Variants in SNX30 observed in about 807,000 individuals in gnomAD.
The protein encoded by SNX30 is sorting nexin family member 30, also known as sorting nexin-30.
Under a neutral mutation model 46.4 loss-of-function variants are expected in SNX30, and 24 were observed. The ratio of observed to expected loss-of-function variants is 0.52; its 90% CI spans 0.37 to 0.73. The LOEUF (loss-of-function observed/expected upper bound fraction) is 0.73, where lower values mean the gene tolerates loss of function less well. Ranked by LOEUF, SNX30 falls within the 30% of genes least tolerant of loss-of-function variation. The probability of loss-of-function intolerance (pLI) is 0.00; values close to 1 mark genes in which losing one functional copy is unlikely to be tolerated. For missense variants in SNX30, 533 were observed against 555.7 expected (o/e 0.96, Z 0.41); for synonymous variants, 189 against 211.5 (o/e 0.89, Z 0.92).
At chr9:112,751,250 C>T in intron 1 of SNX30, 93 bp downstream of exon 1, 5 of 1,267,980 alleles carry the variant, frequency 3.9e-6, no homozygotes, top group Non-Finnish European at 5.0e-6. Flanking sequence ...GGGGCCGCGC[C>T]CACCCTGCCG....
chr9:112,859,054 G>C (rs953775369), intron 7 of SNX30, among the ~76,000 whole-genome samples: 3 of 152,038 alleles, frequency 2.0e-5, no homozygotes, highest in African/African-American at 7.2e-5. Flanking sequence ...TCATCTTGCA[G>C]AACTGAAACT....
At chr9:112,814,826 A>C (rs1840373028) in intron 2 of SNX30, among the ~76,000 whole-genome samples, 1 of 152,194 alleles carries the variant, frequency 6.6e-6, no homozygotes, top group Non-Finnish European at 1.5e-5. Flanking sequence ...ATTTTAAGGG[A>C]ATTACGAGGT....
At chr9:112,781,296 G>A (rs1007501618) in intron 1 of SNX30, among the ~76,000 whole-genome samples, 35 of 152,218 alleles carry the variant, frequency 2.3e-4, no homozygotes, top group African/African-American at 7.7e-4. Context: ...AGTGGAATCT[G>A]CCTTTTAAAT....
chr9:112,769,536 G>A (rs972914626), intron 1 of SNX30, among the ~76,000 whole-genome samples: 1 of 152,206 alleles, frequency 6.6e-6, no homozygotes, highest in Non-Finnish European at 1.5e-5. Flanking sequence ...GGCACAGACA[G>A]GAAGAGCTGA....
downstream of SNX30, chr9:112,877,351 C>T (rs10739378): frequency 0.89 from 135,724 of 152,298 alleles, 60,745 homozygotes; most frequent in East Asian, 0.99. Flanking sequence ...AGAGGCTTTT[C>T]AGGAGTAGGA....
At chr9:112,776,928 C>T (rs574202080) in intron 1 of SNX30, among the ~76,000 whole-genome samples, 2 of 152,268 alleles carry the variant, frequency 1.3e-5, no homozygotes, top group South Asian at 2.1e-4. Context: ...CTTCCAGTTG[C>T]GTTAGCAACT....
At position 112,853,922 on chromosome 9, in the gene SNX30, TAGA is replaced by T. The variant is rs369882793; in HGVS notation, c.1101+2980_1101+2982del. On this transcript the variant is annotated intron_variant, in intron 7 of 8. Coordinates refer to ENST00000374232, the MANE Select transcript of SNX30 (RefSeq NM_001012994.2). ...TGTCAGTTAAATATTTAAGGAAAAA[TAGA>T]AGTCACTTTTTCTGGCTAGGGAAGG... 1.3e-4 allele frequency among the ~76,000 whole-genome samples: 20 copies of T among 152,252 alleles called. No individual in the cohort carries two copies. In the East Asian group the frequency reaches 3.7e-3, roughly 28 times the overall value.
chr9:112,804,893 T>C lies in SNX30; in HGVS notation c.274T>C (p.Phe92Leu), dbSNP rs770867845. 3.1e-6 allele frequency: 5 copies of C among 1,613,946 alleles called. No individual in the cohort carries two copies. In the Admixed American group the frequency reaches 8.3e-5, roughly 27 times the overall value. The change falls in exon 2 of 9, where the codon TTC becomes CTC. Residue 92 changes from phenylalanine (F) to leucine (L), a missense_variant. Coordinates refer to ENST00000374232, the MANE Select transcript of SNX30 (RefSeq NM_001012994.2). ...DDIDGETRDL[F>L]VIVDDPKKHV... ...TATTGATGGTGAGACTAGAGATCTCTTCGTTATAGTTGATGATCCCAAGAA... is the reference window on the plus strand; with the variant it reads ...TATTGATGGTGAGACTAGAGATCTCCTCGTTATAGTTGATGATCCCAAGAA...
At chr9:112,771,643 A>T (rs896469345) in intron 1 of SNX30, among the ~76,000 whole-genome samples, 1 of 152,154 alleles carries the variant, frequency 6.6e-6, no homozygotes, top group Non-Finnish European at 1.5e-5. Flanking sequence ...CTCTCTTTCT[A>T]ATTTGGTTAA....
rs1269291219 is a variant in SNX30 at position 112,795,791 on chromosome 9, ACACACG to A, written c.157-8979_157-8974del. On this transcript the variant is annotated intron_variant, in intron 1 of 8. Transcript: ENST00000374232. ...CACACACACACACACACACACACAC[ACACACG>A]CACACATGATGAGCAAGGCACAGTT... is the stretch of plus-strand genomic sequence containing the variant. Among the ~76,000 whole-genome samples, 231 of 152,014 alleles carry A rather than the reference ACACACG, an allele frequency of 1.5e-3. 2 individuals are homozygous for A. The highest frequency in any genetic ancestry group is 5.2e-3 in the African/African-American group (217 of 41,426).
intron 1 of SNX30, 68 bp from the exon 2 acceptor site, chr9:112,804,708 C>T (rs1179009744): frequency 7.1e-6 from 10 of 1,403,068 alleles, no homozygotes; most frequent in Non-Finnish European, 9.6e-6. Context: ...TTGGCTAAAC[C>T]AGCTGCTTTT....
chr9:112,805,040 C>T, intron 2 of SNX30, 73 bp downstream of exon 2: 1 of 1,196,648 alleles, frequency 8.4e-7, no homozygotes, highest in Non-Finnish European at 1.2e-6. Flanking sequence ...GTGAATTTTG[C>T]CTTTGCTCTC....
At chr9:112,789,565 A>G (rs12238696) in intron 1 of SNX30, among the ~76,000 whole-genome samples, 9,783 of 152,288 alleles carry the variant, frequency 0.064, 705 homozygotes, top group African/African-American at 0.17. Context: ...GGTGTTTAGT[A>G]TATGCTTGAA....
At chr9:112,832,167 G>A (rs1840669097) in intron 4 of SNX30, among the ~76,000 whole-genome samples, 1 of 151,658 alleles carries the variant, frequency 6.6e-6, no homozygotes, top group South Asian at 2.1e-4. Context: ...CTTTTTCCCA[G>A]AGGCTTTCCC....
chr9:112,804,196 C>T (rs144012594), intron 1 of SNX30, among the ~76,000 whole-genome samples: 178 of 152,048 alleles, frequency 1.2e-3, no homozygotes, highest in African/African-American at 4.1e-3. Context: ...TGGAGTTTCG[C>T]TCTTGTTGCC....
chr9:112,789,001 G>T (rs1839975057), intron 1 of SNX30, among the ~76,000 whole-genome samples: 1 of 152,110 alleles, frequency 6.6e-6, no homozygotes, highest in African/African-American at 2.4e-5. Context: ...TCACTATGTT[G>T]CCCAGGCTGG....
intron 3 of SNX30, among the ~76,000 whole-genome samples, chr9:112,820,689 A>G (rs1297912498): frequency 1.3e-5 from 2 of 152,186 alleles, no homozygotes; most frequent in Admixed American, 6.6e-5. Flanking sequence ...GCTGTCACTT[A>G]CAAACACTGT....
chr9:112,778,377 A>T (rs1176131144), intron 1 of SNX30, among the ~76,000 whole-genome samples: 1 of 146,428 alleles, frequency 6.8e-6, no homozygotes, highest in Non-Finnish European at 1.5e-5. Context: ...GGTTCAAGTG[A>T]TTCTCCTGCC....
At chr9:112,751,205 G>A (rs573846509) in intron 1 of SNX30, 48 bp downstream of exon 1, 15 of 1,355,586 alleles carry the variant, frequency 1.1e-5, no homozygotes, top group South Asian at 3.5e-5. Flanking sequence ...CGCTCCCCGT[G>A]GGGGGGATGA....
Sources: allele counts gnomAD v4.1 joint callset (sites outside exome capture counted in the v4.1 genomes callset), GRCh38; gene constraint gnomAD v4.1.1; transcripts MANE v1.5; gene names NCBI Gene and HGNC (gene_info 2026-07-23, HGNC 2026-07-21).